The following UBAC2 variants were observed in gnomAD, a reference collection of about 807,000 sequenced individuals.
UBAC2 encodes ubiquitin-associated domain-containing protein 2.
Under a neutral mutation model 44.0 loss-of-function variants are expected in UBAC2, and 26 were observed. That is an observed-to-expected ratio of 0.59 (90% CI 0.43 to 0.82). UBAC2 has a LOEUF of 0.82. Among genes scored for constraint, UBAC2 ranks in the 40% least tolerant of loss-of-function variants. The probability of loss-of-function intolerance (pLI) is 0.00; values close to 1 mark genes in which losing one functional copy is unlikely to be tolerated. For missense variants in UBAC2, 329 were observed against 419.4 expected (o/e 0.78, Z 1.88); for synonymous variants, 155 against 154.3 (o/e 1.00, Z -0.04).
intron 6 of UBAC2, among the ~76,000 whole-genome samples, chr13:99,338,256 C>T (rs1035966453): frequency 6.6e-6 from 1 of 151,850 alleles, no homozygotes; most frequent in Non-Finnish European, 1.5e-5. Context: ...CGGGTTTTTA[C>T]CATGTTGGCC....
intron 8 of UBAC2, among the ~76,000 whole-genome samples, chr13:99,372,940 C>G (rs1278893745): frequency 6.6e-6 from 1 of 152,078 alleles, no homozygotes; most frequent in African/African-American, 2.4e-5. Flanking sequence ...TGGTGAAACC[C>G]TGTCCCTACT....
chr13:99,372,130 G>T (rs2045414712), intron 8 of UBAC2: 1 of 152,286 alleles, frequency 6.6e-6, no homozygotes, highest in South Asian at 2.1e-4. Context: ...AAGCCACACA[G>T]TGCGCCCTGT....
At chr13:99,214,420 A>C (rs1200085143) in intron 1 of UBAC2, among the ~76,000 whole-genome samples, 1 of 151,932 alleles carries the variant, frequency 6.6e-6, no homozygotes, top group East Asian at 1.9e-4. Flanking sequence ...TTGAAATGGC[A>C]GGGCTGACTC....
intron 1 of UBAC2, among the ~76,000 whole-genome samples, chr13:99,237,878 C>G (rs759711711): frequency 1.3e-5 from 2 of 152,108 alleles, no homozygotes; most frequent in Non-Finnish European, 2.9e-5. Flanking sequence ...TCGCTTGAAC[C>G]TGGGAGGTGG....
chr13:99,255,244 A>T, intron 4 of UBAC2: 1 of 1,614,138 alleles, frequency 6.2e-7, no homozygotes, highest in Non-Finnish European at 8.5e-7. Context: ...ATTATGAATA[A>T]TGACCAAGTA....
At chr13:99,283,952 C>T (rs930567890) in intron 4 of UBAC2, among the ~76,000 whole-genome samples, 11 of 152,062 alleles carry the variant, frequency 7.2e-5, no homozygotes, top group Non-Finnish European at 1.5e-5. Flanking sequence ...TCAGGCTGGT[C>T]TCAAACTCCT....
intron 4 of UBAC2, chr13:99,255,526 C>T (rs747364454): frequency 6.2e-7 from 1 of 1,614,064 alleles, no homozygotes; most frequent in East Asian, 2.2e-5. Context: ...TCTGTCAGCA[C>T]TAATAAAGGC....
chr13:99,331,380 T>C (rs1358425087), intron 6 of UBAC2, among the ~76,000 whole-genome samples: 2 of 152,242 alleles, frequency 1.3e-5, no homozygotes, highest in Admixed American at 1.3e-4. Context: ...TGATGCATGA[T>C]TTCCCAAAAG....
At position 99,342,257 on chromosome 13, in the gene UBAC2, C is replaced by T. The variant is rs570291503; in HGVS notation, c.807+1692C>T. On this transcript the variant is annotated intron_variant, in intron 7 of 8. Coordinates refer to ENST00000403766, the MANE Select transcript of UBAC2 (RefSeq NM_001144072.2). The stretch of plus-strand genomic sequence containing the variant: ...TTCTGAGTTGTCCCAAAATGGGGAC[C>T]AGTCCTGTTGGGTAAGTCCCATGCG... 5.3e-5 allele frequency among the ~76,000 whole-genome samples: 8 copies of T among 152,316 alleles called. No homozygotes were observed. The South Asian group carries it at 1.7e-3, about 32-fold the overall frequency.
chr13:99,285,266 G>GCTGCTCCTC (rs980250778), intron 4 of UBAC2, among the ~76,000 whole-genome samples: 1 of 151,926 alleles, frequency 6.6e-6, no homozygotes, highest in Non-Finnish European at 1.5e-5. Context: ...TGCTGCTGCT[G>GCTGCTCCTC]CTGCTCCTCC....
intron 4 of UBAC2, among the ~76,000 whole-genome samples, chr13:99,284,965 A>G (rs777223166): frequency 1.7e-4 from 26 of 152,194 alleles, no homozygotes; most frequent in Non-Finnish European, 2.9e-5. Context: ...AATGAGCCCT[A>G]TTACCCAGAT....
chr13:99,248,600 C>A (rs889439253), intron 4 of UBAC2, among the ~76,000 whole-genome samples: 7 of 152,198 alleles, frequency 4.6e-5, no homozygotes, highest in Non-Finnish European at 8.8e-5. Flanking sequence ...TCAGGCTGGT[C>A]ACAAACTCCT....
At chr13:99,218,535 T>G (rs572786252) in intron 1 of UBAC2, among the ~76,000 whole-genome samples, 3 of 152,106 alleles carry the variant, frequency 2.0e-5, no homozygotes, top group Admixed American at 2.0e-4. Flanking sequence ...CACTTTCTCC[T>G]GCTTATTTTC....
chr13:99,343,124 T>G (rs897838989), intron 7 of UBAC2, among the ~76,000 whole-genome samples: 1 of 152,204 alleles, frequency 6.6e-6, no homozygotes, highest in Non-Finnish European at 1.5e-5. Flanking sequence ...CAGCCCCACC[T>G]ATGCTGAGCC....
intron 7 of UBAC2, among the ~76,000 whole-genome samples, chr13:99,342,381 G>C (rs1403232540): frequency 6.6e-6 from 1 of 152,174 alleles, no homozygotes; most frequent in Non-Finnish European, 1.5e-5. Context: ...TTGGGGCAGG[G>C]GCAAGGGGTG....
chr13:99,368,688 A>AGTGTGTGTGTGTGTGTGTGTGTGTGT (rs35193753), intron 8 of UBAC2, among the ~76,000 whole-genome samples: 1 of 146,596 alleles, frequency 6.8e-6, no homozygotes, highest in Admixed American at 6.7e-5. Flanking sequence ...CTCATGAGAG[A>AGTGTGTGTGTGTGTGTGTGTGTGTGT]GTGTGTGTGT....
intron 5 of UBAC2, among the ~76,000 whole-genome samples, chr13:99,315,029 A>G (rs1421663850): frequency 6.6e-6 from 1 of 152,130 alleles, no homozygotes; most frequent in Non-Finnish European, 1.5e-5. Context: ...TACTGGCGTC[A>G]CTTCAGAATG....
intron 6 of UBAC2, among the ~76,000 whole-genome samples, chr13:99,333,754 A>T (rs2044748471): frequency 6.6e-6 from 1 of 152,108 alleles, no homozygotes; most frequent in Non-Finnish European, 1.5e-5. Flanking sequence ...GTGAGTGTAT[A>T]CTCACGTCTG....
At chr13:99,242,054 G>T (rs1162343387) in intron 2 of UBAC2, among the ~76,000 whole-genome samples, 1 of 151,456 alleles carries the variant, frequency 6.6e-6, no homozygotes, top group African/African-American at 2.4e-5. Context: ...AGGGTTGGGG[G>T]TAAGGTCACA....
Sources: allele counts gnomAD v4.1 joint callset (sites outside exome capture counted in the v4.1 genomes callset), GRCh38; gene constraint gnomAD v4.1.1; transcripts MANE v1.5; gene names NCBI Gene and HGNC (gene_info 2026-07-23, HGNC 2026-07-21).